KHDRBS2: variants seen among roughly 807,000 people sequenced by gnomAD.
KHDRBS2 encodes KH RNA binding domain containing, signal transduction associated 2.
KHDRBS2 carries 26 observed loss-of-function variants against 44.3 expected under a neutral mutation model. That is an observed-to-expected ratio of 0.59 (90% CI 0.43 to 0.81). The LOEUF (loss-of-function observed/expected upper bound fraction) is 0.81. Ranked by LOEUF, KHDRBS2 falls within the 40% of genes least tolerant of loss-of-function variation. The probability of loss-of-function intolerance (pLI) is 0.00; values close to 1 mark genes in which losing one functional copy is unlikely to be tolerated. For missense variants in KHDRBS2, 476 were observed against 433.1 expected (o/e 1.10, Z -0.88); for synonymous variants, 194 against 151.1 (o/e 1.28, Z -2.08).
intron 4 of KHDRBS2, among the ~76,000 whole-genome samples, chr6:61,950,328 A>G (rs1018020677): frequency 1.3e-5 from 2 of 152,072 alleles, no homozygotes; most frequent in Non-Finnish European, 2.9e-5. Context: ...ATCACTACTG[A>G]TATCACCAAC....
At chr6:62,051,835 C>T (rs191528845) in intron 2 of KHDRBS2, among the ~76,000 whole-genome samples, 7 of 151,882 alleles carry the variant, frequency 4.6e-5, no homozygotes, top group Admixed American at 1.3e-4. Flanking sequence ...TAAATAGACA[C>T]TTATAAAAAG....
the KHDRBS2 span, among the ~76,000 whole-genome samples, chr6:61,567,913 AT>A: frequency 5.3e-5 from 8 of 152,062 alleles, no homozygotes; most frequent in South Asian, 2.1e-4. Flanking sequence ...CAGAATTCAA[AT>A]TTTTTTATCT....
chr6:62,067,269 T>C (rs1343329324), intron 2 of KHDRBS2, among the ~76,000 whole-genome samples: 2 of 151,606 alleles, frequency 1.3e-5, no homozygotes, highest in Non-Finnish European at 3.0e-5. Flanking sequence ...TTTTTCTTAA[T>C]ACCCACTTAG....
intron 2 of KHDRBS2, 85 bp downstream of exon 2, chr6:62,177,100 T>C: frequency 1.2e-6 from 1 of 834,334 alleles, no homozygotes; most frequent in Non-Finnish European, 1.8e-6. Flanking sequence ...CAAATATTTA[T>C]TTTATAAAAG....
intron 2 of KHDRBS2, among the ~76,000 whole-genome samples, chr6:62,088,083 A>G (rs1414300172): frequency 6.6e-6 from 1 of 152,224 alleles, no homozygotes; most frequent in Non-Finnish European, 1.5e-5. Context: ...TATTCTAGTT[A>G]GCAATTCCTC....
At chr6:61,632,130 G>A in the KHDRBS2 span, among the ~76,000 whole-genome samples, 1 of 152,118 alleles carries the variant, frequency 6.6e-6, no homozygotes, top group Non-Finnish European at 1.5e-5. Context: ...TTTCTTAAAA[G>A]AAGATAGGAC....
chr6:62,017,467 G>T (rs1164897006), intron 3 of KHDRBS2, among the ~76,000 whole-genome samples: 3 of 151,830 alleles, frequency 2.0e-5, no homozygotes, highest in Non-Finnish European at 4.4e-5. Flanking sequence ...TGTTATATGA[G>T]AAAAAAATAA....
chr6:61,613,711 T>A, the KHDRBS2 span, among the ~76,000 whole-genome samples: 14 of 152,326 alleles, frequency 9.2e-5, no homozygotes, highest in Middle Eastern at 3.4e-3. Flanking sequence ...TTCTACTGAA[T>A]AATGCAAATT....
chr6:62,136,783 AG>A (rs1811619727), intron 2 of KHDRBS2, among the ~76,000 whole-genome samples: 1 of 152,132 alleles, frequency 6.6e-6, no homozygotes, highest in Non-Finnish European at 1.5e-5. Context: ...TTAAAAGCAC[AG>A]CCATTTAGAC....
At chr6:61,799,225 T>A (rs1785864462) in intron 6 of KHDRBS2, among the ~76,000 whole-genome samples, 1 of 152,090 alleles carries the variant, frequency 6.6e-6, no homozygotes. Flanking sequence ...TAGGCAGAGA[T>A]ATAAGCTACA....
the KHDRBS2 span, among the ~76,000 whole-genome samples, chr6:61,571,830 A>G: frequency 1.4e-4 from 21 of 152,124 alleles, no homozygotes; most frequent in African/African-American, 5.1e-4. Context: ...CAGTACTAAG[A>G]AGAAAGTTAA....
At chr6:61,935,198 T>G (rs1229237785) in intron 4 of KHDRBS2, among the ~76,000 whole-genome samples, 1 of 152,138 alleles carries the variant, frequency 6.6e-6, no homozygotes, top group Non-Finnish European at 1.5e-5. Context: ...GTAGAGGGCA[T>G]GAGGTAGTAA....
intron 2 of KHDRBS2, among the ~76,000 whole-genome samples, chr6:62,083,544 C>A (rs2127357105): frequency 6.6e-6 from 1 of 152,258 alleles, no homozygotes; most frequent in East Asian, 1.9e-4. Flanking sequence ...CACATTGTAA[C>A]ACATGCCCTC....
chr6:61,972,063 G>T (rs1348124954), intron 4 of KHDRBS2, among the ~76,000 whole-genome samples: 1 of 152,000 alleles, frequency 6.6e-6, no homozygotes. Flanking sequence ...TTACTTAACA[G>T]ATTCTGATTA....
At chr6:61,636,905 A>T in the KHDRBS2 span, among the ~76,000 whole-genome samples, 77 of 152,078 alleles carry the variant, frequency 5.1e-4, 1 homozygote, top group Admixed American at 5.1e-3. Flanking sequence ...TGGTATATGC[A>T]TGGGCACTCA....
the KHDRBS2 span, among the ~76,000 whole-genome samples, chr6:61,590,400 C>T: frequency 6.6e-6 from 1 of 152,136 alleles, no homozygotes; most frequent in Non-Finnish European, 1.5e-5. Flanking sequence ...TGACATTGAC[C>T]TTGGTGCATC....
chr6:61,555,330 C>T, the KHDRBS2 span, among the ~76,000 whole-genome samples: 1 of 152,110 alleles, frequency 6.6e-6, no homozygotes, highest in Non-Finnish European at 1.5e-5. Context: ...TTCTGAAATT[C>T]TTGAAGTAAG....
chr6:61,919,923 TTTTTTCCTC>T (rs2127358403), intron 4 of KHDRBS2, among the ~76,000 whole-genome samples: 1 of 3,576 alleles, frequency 2.8e-4, no homozygotes, highest in Non-Finnish European at 5.5e-4. Context: ...TTAGTACTCT[TTTTTTCCTC>T]TTTTATGATT....
intron 2 of KHDRBS2, among the ~76,000 whole-genome samples, chr6:62,137,967 T>C (rs1348589564): frequency 6.6e-6 from 1 of 152,230 alleles, no homozygotes; most frequent in African/African-American, 2.4e-5. Context: ...TGTCTTTCCA[T>C]GTTTACTGTT....
Sources: allele counts gnomAD v4.1 joint callset (sites outside exome capture counted in the v4.1 genomes callset), GRCh38; gene constraint gnomAD v4.1.1; transcripts MANE v1.5; gene names NCBI Gene and HGNC (gene_info 2026-07-23, HGNC 2026-07-21).